PTPRR: variants seen among roughly 807,000 people sequenced by gnomAD.
The protein encoded by PTPRR is receptor-type tyrosine-protein phosphatase R.
Under a neutral mutation model 77.2 loss-of-function variants are expected in PTPRR, and 38 were observed. The observed-to-expected ratio is 0.49, with a 90% CI of 0.38 to 0.65. The LOEUF (loss-of-function observed/expected upper bound fraction) is 0.65, where lower values mean the gene tolerates loss of function less well. PTPRR is among the 30% of genes least tolerant of loss of function. The probability of loss-of-function intolerance (pLI) is 0.00; values close to 1 mark genes in which losing one functional copy is unlikely to be tolerated. For synonymous variants in PTPRR, 299 were observed against 283.1 expected (o/e 1.06, Z -0.57); for missense variants, 744 against 799.2 (o/e 0.93, Z 0.83).
chr12:70,738,796 A>C (rs751413475), intron 6 of PTPRR, among the ~76,000 whole-genome samples: 1 of 152,224 alleles, frequency 6.6e-6, no homozygotes. Context: ...GTGGCCTCAC[A>C]CTGTGCCAGC....
intron 2 of PTPRR, among the ~76,000 whole-genome samples, chr12:70,832,865 G>T (rs1892238745): frequency 6.6e-6 from 1 of 152,164 alleles, no homozygotes; most frequent in African/African-American, 2.4e-5. Flanking sequence ...GGGAGGTGAA[G>T]GGGGAGCAGG....
intron 1 of PTPRR, among the ~76,000 whole-genome samples, chr12:70,919,531 C>T (rs1024113094): frequency 6.6e-6 from 1 of 152,106 alleles, no homozygotes; most frequent in African/African-American, 2.4e-5. Context: ...GGTTTGCTTC[C>T]TCACGAGACT....
At chr12:70,663,693 T>C (rs1213376160) in intron 10 of PTPRR, among the ~76,000 whole-genome samples, 1 of 152,210 alleles carries the variant, frequency 6.6e-6, no homozygotes, top group Non-Finnish European at 1.5e-5. Context: ...ATAAAGAATG[T>C]AAAATGACAA....
intron 2 of PTPRR, among the ~76,000 whole-genome samples, chr12:70,842,385 A>G (rs1323829170): frequency 6.6e-6 from 1 of 152,308 alleles, no homozygotes; most frequent in East Asian, 1.9e-4. Flanking sequence ...TATGACATGC[A>G]TGTTGGTTTC....
intron 5 of PTPRR, among the ~76,000 whole-genome samples, chr12:70,748,078 G>A (rs1890269535): frequency 6.6e-6 from 1 of 152,048 alleles, no homozygotes; most frequent in African/African-American, 2.4e-5. Context: ...CATTGGAAAG[G>A]CTCACCACAC....
chr12:70,893,129 T>A, intron 1 of PTPRR, 152 bp from the exon 2 acceptor site: 1 of 855,632 alleles, frequency 1.2e-6, no homozygotes, highest in Non-Finnish European at 1.8e-6. Context: ...TGCTTCATGA[T>A]CCTCAACAAA....
chr12:70,672,632 T>C (rs1887277311), intron 10 of PTPRR: 1 of 1,519,940 alleles, frequency 6.6e-7, no homozygotes, highest in African/African-American at 1.4e-5. Flanking sequence ...TGCTGCCAAG[T>C]GAATGGGGAA....
At chr12:70,785,841 C>T (rs2137003792) in intron 2 of PTPRR, among the ~76,000 whole-genome samples, 1 of 152,288 alleles carries the variant, frequency 6.6e-6, no homozygotes, top group South Asian at 2.1e-4. Flanking sequence ...TAGCAAGTTA[C>T]TTGTTTTTAA....
intron 2 of PTPRR, among the ~76,000 whole-genome samples, chr12:70,795,257 A>G (rs1307941047): frequency 6.6e-6 from 1 of 152,198 alleles, no homozygotes; most frequent in African/African-American, 2.4e-5. Flanking sequence ...CTTATATTAA[A>G]TTACATCTCC....
chr12:70,898,175 C>A (rs533731081), intron 1 of PTPRR, among the ~76,000 whole-genome samples: 12 of 150,302 alleles, frequency 8.0e-5, no homozygotes, highest in African/African-American at 2.2e-4. Context: ...AAAAGAGAAT[C>A]CATATGTAGA....
chr12:70,651,028 G>T (rs528727965), intron 13 of PTPRR, among the ~76,000 whole-genome samples: 1 of 152,186 alleles, frequency 6.6e-6, no homozygotes, highest in African/African-American at 2.4e-5. Flanking sequence ...ATTTTATACT[G>T]GGCCTCACAA....
intron 2 of PTPRR, among the ~76,000 whole-genome samples, chr12:70,798,283 C>T (rs1891551063): frequency 6.6e-6 from 1 of 152,134 alleles, no homozygotes; most frequent in African/African-American, 2.4e-5. Flanking sequence ...TTTTATCTGT[C>T]TCCACTGTCA....
chr12:70,896,493 C>T (rs1049262748), intron 1 of PTPRR, among the ~76,000 whole-genome samples: 1 of 151,486 alleles, frequency 6.6e-6, no homozygotes, highest in Admixed American at 6.6e-5. Context: ...TAAAATAACA[C>T]ATGTTGAAAA....
intron 1 of PTPRR, among the ~76,000 whole-genome samples, chr12:70,903,981 T>C (rs1401554085): frequency 6.6e-6 from 1 of 151,870 alleles, no homozygotes; most frequent in Non-Finnish European, 1.5e-5. Flanking sequence ...TGAAAGTATG[T>C]CCATTTCTAT....
chr12:70,872,708 A>C (rs1008066209), intron 2 of PTPRR, among the ~76,000 whole-genome samples: 5 of 149,456 alleles, frequency 3.3e-5, no homozygotes, highest in Non-Finnish European at 5.9e-5. Flanking sequence ...AAAAAAAAAA[A>C]AAAAAAAAAA....
chr12:70,669,773 T>A (rs959955852), intron 10 of PTPRR, among the ~76,000 whole-genome samples: 7 of 152,100 alleles, frequency 4.6e-5, no homozygotes, highest in Admixed American at 6.5e-5. Context: ...TAAAAAAAAA[T>A]TTCATTTGTA....
rs562719187 is a variant in PTPRR at position 70,830,994 on chromosome 12, CTTAAAAGACT to C, written c.357+61675_357+61684del. Among the ~76,000 whole-genome samples, 103 of 152,326 alleles carry C rather than the reference CTTAAAAGACT, an allele frequency of 6.8e-4. 1 individual carries two copies. The highest frequency in any genetic ancestry group is 2.5e-3 in the African/African-American group (102 of 41,576). The stretch of plus-strand genomic sequence containing the variant: ...GATAATAGCCAATATATGTGCCACT[CTTAAAAGACT>C]TTATTGTATTAGCTCTTTAAATCCT... On this transcript the variant is annotated intron_variant, in intron 2 of 13. Coordinates refer to ENST00000283228, the MANE Select transcript of PTPRR (RefSeq NM_002849.4).
In PTPRR at chr12:70,800,836, A is replaced by G. The variant is rs547633797; in HGVS notation, c.358-36058T>C. Among the ~76,000 whole-genome samples the G allele has an allele frequency of 4.1e-4, 62 of 151,898 alleles. No individual in the cohort carries two copies. The South Asian group carries it at 0.013, about 31-fold the overall frequency. On this transcript the variant is annotated intron_variant, in intron 2 of 13. Transcript: ENST00000283228. ...CTTGAACCCGGGTGGCGGAGGTTGTAGTGAGCTGAGATCGCACTATTGCAC... is the reference window on the plus strand; with the variant it reads ...CTTGAACCCGGGTGGCGGAGGTTGTGGTGAGCTGAGATCGCACTATTGCAC...
chr12:70,729,629 C>T (rs1331768973), intron 6 of PTPRR, among the ~76,000 whole-genome samples: 2 of 152,096 alleles, frequency 1.3e-5, no homozygotes, highest in Non-Finnish European at 2.9e-5. Context: ...ACTATGCCCA[C>T]CATAACCACT....
Sources: gnomAD v4.1 joint callset for allele counts (sites outside exome capture counted in the v4.1 genomes callset) on GRCh38, gnomAD v4.1.1 for gene constraint, MANE v1.5 for transcripts, NCBI Gene and HGNC (gene_info 2026-07-23, HGNC 2026-07-21) for gene names.